The following FRK variants were observed in gnomAD, a reference collection of about 807,000 sequenced individuals.
FRK encodes tyrosine-protein kinase FRK.
Under a neutral mutation model 56.4 loss-of-function variants are expected in FRK, and 51 were observed. The ratio of observed to expected loss-of-function variants is 0.90; its 90% confidence interval spans 0.72 to 1.14. The LOEUF is 1.14. Among genes scored for constraint, FRK ranks in the 50% most tolerant of loss-of-function variants. The pLI, the probability that FRK is intolerant of heterozygous loss-of-function variation, is 0.00. For missense variants in FRK, 570 were observed against 601.4 expected, an observed-to-expected ratio of 0.95 and a Z score of 0.55; for synonymous variants, 245 against 217.9, an observed-to-expected ratio of 1.12 and a Z score of -1.10.
At chr6:116,077,030 T>C in the FRK span, among the ~76,000 whole-genome samples, 2 of 152,198 alleles carry the variant, frequency 1.3e-5, no homozygotes, top group South Asian at 2.1e-4. Flanking sequence ...ATATATCAGA[T>C]TGACTATCCA....
chr6:116,033,295 A>G (rs1201719532), intron 1 of FRK, among the ~76,000 whole-genome samples: 1 of 152,172 alleles, frequency 6.6e-6, no homozygotes. Flanking sequence ...ATGTTTACCA[A>G]TATCCTCAGG....
chr6:116,057,928 T>C (rs1777458096), intron 1 of FRK, among the ~76,000 whole-genome samples: 1 of 152,202 alleles, frequency 6.6e-6, no homozygotes, highest in Non-Finnish European at 1.5e-5. Flanking sequence ...TTTGCTTTCT[T>C]CAGCATTTCT....
At position 115,933,131 on chromosome 6, in the gene FRK, AAAAG is replaced by A. The variant is rs1412090496; in HGVS notation, c.*9279_*9282del. On this transcript the variant is annotated 3_prime_UTR_variant, in exon 8 of 8. Transcript: ENST00000606080. ...CTTACCCTCTTTTTAAAAAAAAAGA[AAAAG>A]AAAAACTTAATGGAACATTGAATTT... 2 of 152,246 alleles carry A rather than the reference AAAAG, an allele frequency of 1.3e-5. No homozygotes were observed. Among genetic ancestry groups the A allele is most frequent in the African/African-American group, 4.8e-5 (2 of 41,466 alleles). 9.4% of individuals were successfully genotyped at this position (152,246 alleles called of 1,614,324 possible).
chr6:116,058,826 G>A (rs1283624013), intron 1 of FRK, among the ~76,000 whole-genome samples: 3 of 151,600 alleles, frequency 2.0e-5, no homozygotes, highest in African/African-American at 7.3e-5. Context: ...CAGGAGAATG[G>A]CGTGAACCCG....
chr6:116,096,811 G>A, the FRK span, among the ~76,000 whole-genome samples: 104 of 152,242 alleles, frequency 6.8e-4, no homozygotes, highest in African/African-American at 2.4e-3. Context: ...TTGTTCTTTC[G>A]CTCTTCACAA....
At position 115,941,041 on chromosome 6, in the gene FRK, C is replaced by A. The variant is rs1582623932; in HGVS notation, c.*1373G>T. 6.6e-6 allele frequency: 1 copy of A among 152,322 alleles called. No individual in the cohort carries two copies. The highest frequency in any genetic ancestry group is 1.9e-4 in the East Asian group (1 of 5,182). 9.4% of individuals were successfully genotyped at this position (152,322 alleles called of 1,614,324 possible). On this transcript the variant is annotated 3_prime_UTR_variant, in exon 8 of 8. Coordinates refer to ENST00000606080, the MANE Select transcript of FRK (RefSeq NM_002031.3). ...TATAAATCATTCTGCTATAAAGACA[C>A]ATGCATGTTTATTGTGGCACTATTC...
At chr6:116,014,923 C>G (rs987440340) in intron 1 of FRK, among the ~76,000 whole-genome samples, 1 of 152,098 alleles carries the variant, frequency 6.6e-6, no homozygotes, top group African/African-American at 2.4e-5. Context: ...TTAATGAGTA[C>G]ATGCATTTTT....
At chr6:115,959,079 T>A (rs1413651828) in intron 4 of FRK, among the ~76,000 whole-genome samples, 1 of 152,148 alleles carries the variant, frequency 6.6e-6, no homozygotes, top group East Asian at 1.9e-4. Context: ...AAACCCAATC[T>A]CAACTCAGCT....
intron 1 of FRK, among the ~76,000 whole-genome samples, chr6:116,016,194 T>A (rs1344839117): frequency 6.6e-6 from 1 of 152,176 alleles, no homozygotes; most frequent in Non-Finnish European, 1.5e-5. Context: ...AGGGTCCTGC[T>A]GCTCTGTGCA....
chr6:115,979,934 G>A (rs1298254390), intron 2 of FRK, among the ~76,000 whole-genome samples: 2 of 151,984 alleles, frequency 1.3e-5, no homozygotes, highest in Non-Finnish European at 2.9e-5. Context: ...TCACCTAATG[G>A]CACATTTCTC....
chr6:116,079,751 A>AT, the FRK span, among the ~76,000 whole-genome samples: 2 of 151,840 alleles, frequency 1.3e-5, no homozygotes, highest in Non-Finnish European at 2.9e-5. Context: ...TAATTTTTTA[A>AT]TTTTTTGTAG....
chr6:115,984,640 G>A (rs759770614), intron 2 of FRK, among the ~76,000 whole-genome samples: 3 of 151,458 alleles, frequency 2.0e-5, no homozygotes, highest in Non-Finnish European at 2.9e-5. Context: ...TGTTCCATGA[G>A]TTTTGATGTT....
chr6:115,973,494 C>T (rs1349601294), intron 2 of FRK, among the ~76,000 whole-genome samples: 2 of 152,010 alleles, frequency 1.3e-5, no homozygotes, highest in Admixed American at 6.6e-5. Flanking sequence ...CACCATGGCA[C>T]GCGTATACTT....
intron 2 of FRK, among the ~76,000 whole-genome samples, chr6:115,986,548 T>C (rs1774403740): frequency 6.6e-6 from 1 of 152,170 alleles, no homozygotes; most frequent in Non-Finnish European, 1.5e-5. Context: ...CATCTAGTCA[T>C]GTTAGCACGG....
rs551241503 is a variant in FRK, at chr6:116,009,845, T to C, written c.345-5847A>G. Among the ~76,000 whole-genome samples, 8 of 152,282 alleles carry C rather than the reference T, an allele frequency of 5.3e-5. No homozygotes were observed. In the East Asian group the frequency reaches 1.5e-3, roughly 29 times the overall value. On this transcript the variant is annotated intron_variant, in intron 1 of 7. Transcript: ENST00000606080. ...ATTTTCTGTGTCTGCAGGACATTGT[T>C]GTATAAAATGTGTCTGCAGGACATT...
At chr6:116,019,036 A>C (rs1415765191) in intron 1 of FRK, among the ~76,000 whole-genome samples, 1 of 152,172 alleles carries the variant, frequency 6.6e-6, no homozygotes, top group African/African-American at 2.4e-5. Context: ...TCTCCAGTGC[A>C]TTCTTTGGAT....
intron 1 of FRK, among the ~76,000 whole-genome samples, chr6:116,044,541 T>C (rs1290989487): frequency 2.0e-5 from 3 of 152,152 alleles, no homozygotes; most frequent in African/African-American, 7.2e-5. Flanking sequence ...CACCCCTTCA[T>C]GCTAAAAAAT....
At chr6:116,035,034 C>CT (rs1776422550) in intron 1 of FRK, among the ~76,000 whole-genome samples, 1 of 151,748 alleles carries the variant, frequency 6.6e-6, no homozygotes, top group Non-Finnish European at 1.5e-5. Context: ...GTTCTCTATC[C>CT]TTTTTATATG....
chr6:115,948,626 C>G (rs1023032625), intron 5 of FRK, among the ~76,000 whole-genome samples: 1 of 152,214 alleles, frequency 6.6e-6, no homozygotes, highest in East Asian at 1.9e-4. Flanking sequence ...TTAACTCCCA[C>G]TTATAACTTA....
Sources: allele counts gnomAD v4.1 joint callset (sites outside exome capture counted in the v4.1 genomes callset), GRCh38; gene constraint gnomAD v4.1.1; transcripts MANE v1.5; gene names NCBI Gene and HGNC (gene_info 2026-07-23, HGNC 2026-07-21).